The following PLB1 variants were observed in gnomAD, a reference collection of about 807,000 sequenced individuals.
PLB1 encodes the protein phospholipase B1, membrane-associated.
A neutral mutation model predicts 227.4 loss-of-function variants in PLB1; 242 were observed. That is an observed-to-expected ratio of 1.06 (90% CI 0.96 to 1.18). The LOEUF is 1.18. Ranked by LOEUF, PLB1 falls within the 50% of genes most tolerant of loss-of-function variation. PLB1 has a pLI of 0.00. For missense variants in PLB1, 1,858 were observed against 1,816.3 expected, an observed-to-expected ratio of 1.02 and a Z score of -0.42; for synonymous variants, 757 against 682.2, an observed-to-expected ratio of 1.11 and a Z score of -1.71.
At chr2:28,589,829 G>A in intron 28 of PLB1, 59 bp downstream of exon 28, 3 of 1,536,692 alleles carry the variant, frequency 2.0e-6, no homozygotes, top group Non-Finnish European at 2.7e-6. Context: ...ACTTCACAAA[G>A]CCTTTGGAGG....
chr2:28,602,916 G>A lies in PLB1; in HGVS notation c.2769G>A (p.Gln923=). ...LGNPDKCPVQ[Q]ASVLCNCVLT... ...ACCCAGACAAGTGCCCAGTGCAGCA[G>A]GCCAGGTAGGCAGGTCCTGGCTGTC... Residue 923 remains glutamine (Q), a synonymous_variant, in exon 39 of 58, where the codon CAG becomes CAA. Coordinates refer to ENST00000327757, the MANE Select transcript of PLB1 (RefSeq NM_153021.5). The A allele has an allele frequency of 1.2e-6, 2 of 1,614,036 alleles. No homozygotes were observed. Among genetic ancestry groups the A allele is most frequent in the Non-Finnish European group, 1.7e-6 (2 of 1,179,900 alleles).
intron 56 of PLB1, among the ~76,000 whole-genome samples, chr2:28,637,412 G>A (rs1689501101): frequency 6.6e-6 from 1 of 151,760 alleles, no homozygotes; most frequent in Non-Finnish European, 1.5e-5. Context: ...TCGGTACTTT[G>A]TGAAAGCTCC....
chr2:28,592,446 T>A (rs1573251940), intron 31 of PLB1, among the ~76,000 whole-genome samples: 1 of 151,772 alleles, frequency 6.6e-6, no homozygotes, highest in South Asian at 2.1e-4. Flanking sequence ...TCTCCCTCTC[T>A]GCACCTCTCT....
intron 4 of PLB1, among the ~76,000 whole-genome samples, chr2:28,523,776 A>G (rs1034493937): frequency 3.3e-5 from 5 of 152,230 alleles, no homozygotes; most frequent in Admixed American, 6.5e-5. Context: ...CTTTAATTGA[A>G]TCAGCTGCCA....
At chr2:28,603,869 G>A in intron 39 of PLB1, 97 bp from the exon 40 acceptor site, 1 of 1,140,280 alleles carries the variant, frequency 8.8e-7, no homozygotes, top group Non-Finnish European at 1.3e-6. Context: ...AGGGCGGGAG[G>A]GAGCCTCTCC....
rs1229817478 is a variant in PLB1 at position 28,628,607 on chromosome 2, C to T, written c.3705C>T (p.Ala1235=). The T allele has an allele frequency of 6.2e-7, 1 of 1,614,126 alleles. No individual in the cohort carries two copies. Among genetic ancestry groups the T allele is most frequent in the South Asian group, 1.1e-5 (1 of 91,082 alleles). Residue 1235 remains alanine (A), a synonymous_variant, in exon 52 of 58, where the codon GCC becomes GCT. Transcript: ENST00000327757. ...ATEYVQHIQQ[A]LDILSEELPR... ...AATATGTTCAGCACATCCAACAGGC[C>T]CTGGACATCCTCTCTGAGGAGGTAG...
rs1487145089 is a variant in PLB1 at position 28,617,929 on chromosome 2, C to CGCAGCT, written c.3256+144_3256+145insAGCTGC. On this transcript the variant is annotated intron_variant, in intron 45 of 57. Transcript: ENST00000327757. ...TGCAGACCTAGATCCTGCGGCCTGC[C>CGCAGCT]GCCACAGCTGGGCTTCCATGTGGAG... The CGCAGCT allele has an allele frequency of 2.2e-5, 18 of 828,546 alleles. No homozygotes were observed. The African/African-American group carries it at 2.4e-4, about 11-fold the overall frequency. The allele number at this position is 828,546 out of a possible 1,614,324, so 51.3% of individuals were successfully genotyped here. A position where few individuals can be genotyped will look rare whatever the true frequency, so the allele number is the denominator to read the frequency against.
At chr2:28,585,485 C>G in intron 25 of PLB1, 1 of 334,264 alleles carries the variant, frequency 3.0e-6, no homozygotes, top group South Asian at 3.4e-5. Flanking sequence ...CTATGTCAGC[C>G]AGCCTGGTCT....
At chr2:28,572,772 G>A (rs569696405) in intron 20 of PLB1, among the ~76,000 whole-genome samples, 44 of 152,270 alleles carry the variant, frequency 2.9e-4, no homozygotes, top group African/African-American at 1.0e-3. Flanking sequence ...GACTGCTAGT[G>A]GGTACTAGGT....
At chr2:28,578,442 A>T (rs1191511133) in intron 22 of PLB1, among the ~76,000 whole-genome samples, 4 of 152,154 alleles carry the variant, frequency 2.6e-5, no homozygotes, top group Non-Finnish European at 5.9e-5. Flanking sequence ...AATGTGAAGA[A>T]TCAAATTATA....
intron 3 of PLB1, among the ~76,000 whole-genome samples, chr2:28,519,484 C>T (rs905573996): frequency 6.6e-6 from 1 of 152,234 alleles, no homozygotes. Flanking sequence ...GTCCAGTTAA[C>T]AGTGTGGCTC....
chr2:28,504,779 T>C (rs1048904918), intron 1 of PLB1, among the ~76,000 whole-genome samples: 1 of 152,098 alleles, frequency 6.6e-6, no homozygotes, highest in African/African-American at 2.4e-5. Flanking sequence ...CAAAAATTCA[T>C]TTTGAAATTT....
intron 20 of PLB1, among the ~76,000 whole-genome samples, chr2:28,568,380 T>C (rs970130810): frequency 3.3e-5 from 5 of 152,218 alleles, no homozygotes; most frequent in African/African-American, 4.8e-5. Flanking sequence ...ATTGAGACAA[T>C]GTTACCCCAC....
At chr2:28,633,673 G>A (rs1038584823) in intron 56 of PLB1, among the ~76,000 whole-genome samples, 7 of 152,216 alleles carry the variant, frequency 4.6e-5, no homozygotes, top group Non-Finnish European at 1.0e-4. Flanking sequence ...GTCTTTCAGG[G>A]ACACCTGCCT....
At chr2:28,577,946 C>T (rs111322915) in intron 21 of PLB1, among the ~76,000 whole-genome samples, 161 bp from the exon 22 acceptor site, 1 of 152,252 alleles carries the variant, frequency 6.6e-6, no homozygotes, top group Non-Finnish European at 1.5e-5. Flanking sequence ...GCAGTGGAGC[C>T]TGAATGGGGA....
chr2:28,613,142 A>T (rs72850469), intron 43 of PLB1, among the ~76,000 whole-genome samples: 2,103 of 152,028 alleles, frequency 0.014, 49 homozygotes, highest in African/African-American at 0.048. Flanking sequence ...CCAAGCTGGT[A>T]TTAAACTCTT....
chr2:28,543,314 G>A (rs763490625), intron 14 of PLB1, 46 bp downstream of exon 14: 29 of 1,585,254 alleles, frequency 1.8e-5, no homozygotes, highest in Non-Finnish European at 2.5e-5. Context: ...GAGGGGCAAG[G>A]TCTCCACCAC....
chr2:28,553,494 G>A (rs1394267063), intron 17 of PLB1, among the ~76,000 whole-genome samples: 2 of 152,194 alleles, frequency 1.3e-5, no homozygotes, highest in African/African-American at 4.8e-5. Flanking sequence ...CCATAAAATG[G>A]GGTGTTCTAG....
intron 45 of PLB1, 105 bp from the exon 46 acceptor site, chr2:28,618,236 C>T: frequency 1.9e-6 from 2 of 1,060,310 alleles, no homozygotes; most frequent in Non-Finnish European, 1.4e-6. Flanking sequence ...AAAATAAGTA[C>T]AATGGGGAGC....
Sources: allele counts gnomAD v4.1 joint callset (sites outside exome capture counted in the v4.1 genomes callset), GRCh38; gene constraint gnomAD v4.1.1; transcripts MANE v1.5; gene names NCBI Gene and HGNC (gene_info 2026-07-23, HGNC 2026-07-21).